Variants in ARPC3 observed in about 807,000 individuals in gnomAD.
The protein encoded by ARPC3 is actin-related protein 2/3 complex subunit 3.
Under a neutral mutation model 27.6 loss-of-function variants are expected in ARPC3, and 12 were observed. The observed-to-expected ratio is 0.43, with a 90% confidence interval of 0.28 to 0.70. The LOEUF (loss-of-function observed/expected upper bound fraction) is 0.70, where lower values mean the gene tolerates loss of function less well. ARPC3 is among the 30% of genes least tolerant of loss of function. The probability of loss-of-function intolerance (pLI) is 0.17; values close to 1 mark genes in which losing one functional copy is unlikely to be tolerated. For missense variants in ARPC3, 153 were observed against 207.7 expected (o/e 0.74, Z 1.62); for synonymous variants, 53 against 67.2 (o/e 0.79, Z 1.03).
intron 1 of ARPC3, among the ~76,000 whole-genome samples, chr12:110,446,387 T>C (rs2062464805): frequency 6.7e-6 from 1 of 150,244 alleles, no homozygotes; most frequent in Non-Finnish European, 1.5e-5. Context: ...AACCTCCGCC[T>C]CCCGGGTTCA....
intron 2 of ARPC3, among the ~76,000 whole-genome samples, chr12:110,441,246 C>T (rs2062435832): frequency 6.6e-6 from 1 of 151,836 alleles, no homozygotes; most frequent in Non-Finnish European, 1.5e-5. Flanking sequence ...GATTCTCCTG[C>T]CTCAGCCTCC....
At chr12:110,447,188 C>A (rs2062469242) in intron 1 of ARPC3, among the ~76,000 whole-genome samples, 1 of 152,198 alleles carries the variant, frequency 6.6e-6, no homozygotes, top group African/African-American at 2.4e-5. Context: ...CTTCTCTTAG[C>A]TTGTTTCCAA....
In ARPC3 at chr12:110,435,074, G is replaced by A. The variant is rs111231069; in HGVS notation, c.*81C>T. 6.9e-5 allele frequency: 77 copies of A among 1,119,802 alleles called. 2 individuals are homozygous for A. The highest frequency in any genetic ancestry group is 4.0e-4 in the African/African-American group (26 of 65,530). The allele number at this position is 1,119,802 out of a possible 1,614,324, so 69.4% of individuals were successfully genotyped here. A position where few individuals can be genotyped will look rare whatever the true frequency, so the allele number is the denominator to read the frequency against. On this transcript the variant is annotated 3_prime_UTR_variant, in exon 7 of 7. Coordinates refer to ENST00000228825, the MANE Select transcript of ARPC3 (RefSeq NM_001278556.2). The stretch of plus-strand genomic sequence containing the variant: ...TTCTCTCTTCTGTATAAAACTTTAC[G>A]AAATAAAGGCAAAAGATTGTGTACA...
At chr12:110,440,845 C>CAAATT (rs1407651254) in intron 2 of ARPC3, among the ~76,000 whole-genome samples, 1 of 123,952 alleles carries the variant, frequency 8.1e-6, no homozygotes. Flanking sequence ...CGTGCCCAGC[C>CAAATT]TTTGTTTTTT....
chr12:110,450,112 C>T, intron 1 of ARPC3, 143 bp downstream of exon 1: 2 of 1,252,572 alleles, frequency 1.6e-6, no homozygotes, highest in South Asian at 1.3e-5. Context: ...CTTCAGCAAC[C>T]GGTCCCCTCC....
intron 1 of ARPC3, among the ~76,000 whole-genome samples, chr12:110,448,779 G>GGC (rs1555296496): frequency 3.5e-5 from 1 of 28,268 alleles, no homozygotes; most frequent in Non-Finnish European, 9.5e-5. Context: ...CTTTTTTTCC[G>GGC]GGGGGGGGGG....
At chr12:110,440,534 T>G in intron 2 of ARPC3, 146 bp from the exon 3 acceptor site, 2 of 668,902 alleles carry the variant, frequency 3.0e-6, no homozygotes, top group Non-Finnish European at 5.4e-6. Flanking sequence ...AAATACAAAG[T>G]TTTTAGAAAA....
chr12:110,435,209 A>G lies in ARPC3; in HGVS notation c.483T>C (p.Thr161=). The change falls in exon 7 of 7, where the codon ACT becomes ACC. Residue 161 remains threonine (T), a synonymous_variant. Transcript: ENST00000228825. ...PQNDKPSKWW[T]CFVKRQFMNK... is the part of the protein sequence containing the mutation. ...TCATGAACTGTCTCTTCACAAAGCA[A>G]GTCCACCACTAACAAGAGAGAACAA... The G allele has an allele frequency of 1.2e-6, 2 of 1,613,664 alleles. No homozygotes were observed. Among genetic ancestry groups the G allele is most frequent in the African/African-American group, 2.7e-5 (2 of 75,064 alleles).
At chr12:110,441,174 C>T (rs1252742806) in intron 2 of ARPC3, among the ~76,000 whole-genome samples, 1 of 148,908 alleles carries the variant, frequency 6.7e-6, no homozygotes, top group African/African-American at 2.5e-5. Context: ...GAGTCTTGCT[C>T]CGTCGCCCAG....
chr12:110,446,058 G>T (rs927312446), intron 1 of ARPC3, among the ~76,000 whole-genome samples: 1 of 150,926 alleles, frequency 6.6e-6, no homozygotes, highest in South Asian at 2.1e-4. Context: ...AGCCGAGATC[G>T]TGCCACTGCA....
intron 1 of ARPC3, among the ~76,000 whole-genome samples, chr12:110,446,391 G>A (rs1247085961): frequency 3.3e-5 from 5 of 150,062 alleles, no homozygotes; most frequent in East Asian, 2.0e-4. Context: ...TCCGCCTCCC[G>A]GGTTCAAGTG....
At chr12:110,448,026 G>T (rs1378055212) in intron 1 of ARPC3, among the ~76,000 whole-genome samples, 1 of 151,210 alleles carries the variant, frequency 6.6e-6, no homozygotes, top group East Asian at 2.0e-4. Context: ...GGGAGGACAT[G>T]CACTACCACA....
At chr12:110,437,244 G>T in intron 3 of ARPC3, 92 bp from the exon 4 acceptor site, 1 of 873,546 alleles carries the variant, frequency 1.1e-6, no homozygotes, top group Non-Finnish European at 1.9e-6. Flanking sequence ...CTGATTATCT[G>T]CTGAATGCAG....
At chr12:110,439,890 T>C (rs2062426738) in intron 3 of ARPC3, among the ~76,000 whole-genome samples, 1 of 152,150 alleles carries the variant, frequency 6.6e-6, no homozygotes. Flanking sequence ...GTTGAATAAA[T>C]AAAGATACTT....
intron 1 of ARPC3, among the ~76,000 whole-genome samples, chr12:110,448,620 T>C (rs1241794885): frequency 1.3e-5 from 2 of 148,530 alleles, no homozygotes; most frequent in Non-Finnish European, 3.0e-5. Flanking sequence ...GTCACTGAAC[T>C]GCAGCCTGAG....
At chr12:110,447,982 A>G (rs1204213233) in intron 1 of ARPC3, among the ~76,000 whole-genome samples, 1 of 142,844 alleles carries the variant, frequency 7.0e-6, no homozygotes, top group African/African-American at 2.6e-5. Flanking sequence ...TCCTGGCTCC[A>G]GGTGATCCTC....
Position 110,436,711 on chromosome 12 carries a change from TACACACACACACACACACACACACACAC to T in ARPC3, c.253-56_253-29del, listed in dbSNP as rs375877607. 1.6e-4 allele frequency: 61 copies of T among 382,258 alleles called. 2 individuals carry two copies. Among genetic ancestry groups the T allele is most frequent in the African/African-American group, 1.5e-3 (53 of 36,524 alleles). 23.7% of individuals were successfully genotyped at this position (382,258 alleles called of 1,614,324 possible). A position where few individuals can be genotyped will look rare whatever the true frequency, so the allele number is the denominator to read the frequency against. ...GGAAAAAAAAATATATATATATATA[TACACACACACACACACACACACACACAC>T]ACACACACACACACATATTTTACAG... On this transcript the variant is annotated intron_variant, in intron 4 of 6. Coordinates refer to ENST00000228825, the MANE Select transcript of ARPC3 (RefSeq NM_001278556.2).
chr12:110,448,494 T>C (rs1239500789), intron 1 of ARPC3, among the ~76,000 whole-genome samples: 1 of 151,778 alleles, frequency 6.6e-6, no homozygotes, highest in South Asian at 2.1e-4. Flanking sequence ...CTGGACAACA[T>C]GGTGAGACTC....
intron 1 of ARPC3, 23 bp downstream of exon 1, chr12:110,450,232 C>T (rs770950487): frequency 1.9e-6 from 3 of 1,614,054 alleles, no homozygotes; most frequent in Non-Finnish European, 2.5e-6. Context: ...GCTGTCTCCC[C>T]ACACCGTGGA....
Sources: allele counts gnomAD v4.1 joint callset (sites outside exome capture counted in the v4.1 genomes callset), GRCh38; gene constraint gnomAD v4.1.1; transcripts MANE v1.5; gene names NCBI Gene and HGNC (gene_info 2026-07-23, HGNC 2026-07-21).